SVIL: variants seen among roughly 807,000 people sequenced by gnomAD.
SVIL encodes the protein supervillin, also known as archvillin.
A neutral mutation model predicts 240.4 loss-of-function variants in SVIL; 101 were observed. The observed-to-expected ratio is 0.42, with a 90% CI of 0.36 to 0.50. The LOEUF (loss-of-function observed/expected upper bound fraction) is 0.50. SVIL is among the 20% of genes least tolerant of loss of function. The pLI is 0.01. For synonymous variants in SVIL, 999 were observed against 1,100.0 expected (o/e 0.91, Z 1.82); for missense variants, 2,512 against 2,818.7 (o/e 0.89, Z 2.46).
intron 6 of SVIL, among the ~76,000 whole-genome samples, chr10:29,545,368 C>A (rs923590973): frequency 3.3e-5 from 5 of 152,104 alleles, no homozygotes; most frequent in Non-Finnish European, 7.3e-5. Context: ...GAGCCCTGCC[C>A]AAACCATCAT....
chr10:29,512,162 C>T (rs565269643), intron 17 of SVIL, among the ~76,000 whole-genome samples: 16 of 152,340 alleles, frequency 1.1e-4, no homozygotes, highest in Admixed American at 5.2e-4. Flanking sequence ...TCAATACTTT[C>T]GCATATGAAA....
At chr10:29,624,795 TCTC>T (rs1957803022) in intron 1 of SVIL, among the ~76,000 whole-genome samples, 1 of 152,216 alleles carries the variant, frequency 6.6e-6, no homozygotes, top group Non-Finnish European at 1.5e-5. Context: ...GGTAATTTGT[TCTC>T]CACATATCTT....
chr10:29,469,312 C>T (rs1310178068), intron 32 of SVIL, among the ~76,000 whole-genome samples: 1 of 152,188 alleles, frequency 6.6e-6, no homozygotes, highest in African/African-American at 2.4e-5. Flanking sequence ...AGGTCACCTG[C>T]CCCGTTCTCC....
chr10:29,673,194 G>A (rs938772333), intron 2 of SVIL, among the ~76,000 whole-genome samples: 2 of 152,130 alleles, frequency 1.3e-5, no homozygotes, highest in African/African-American at 2.4e-5. Context: ...GATTACAGGC[G>A]TGAGCTACTG....
At chr10:29,725,205 C>T (rs543924300) in intron 1 of SVIL, among the ~76,000 whole-genome samples, 40 of 152,050 alleles carry the variant, frequency 2.6e-4, no homozygotes, top group Non-Finnish European at 5.0e-4. Context: ...GCATGCTTAT[C>T]AAAGTTTCTC....
chr10:29,561,056 C>G (rs991493530), intron 3 of SVIL, among the ~76,000 whole-genome samples: 2 of 150,962 alleles, frequency 1.3e-5, no homozygotes, highest in South Asian at 2.1e-4. Context: ...CTCCTGACCT[C>G]GTAATCCACC....
chr10:29,674,691 A>AT (rs1960064263), intron 2 of SVIL, among the ~76,000 whole-genome samples: 1 of 152,204 alleles, frequency 6.6e-6, no homozygotes, highest in East Asian at 1.9e-4. Context: ...ACAAATTCTT[A>AT]TTTATAGTTT....
At chr10:29,726,066 T>G (rs769366158) in intron 1 of SVIL, among the ~76,000 whole-genome samples, 1 of 152,134 alleles carries the variant, frequency 6.6e-6, no homozygotes, top group Non-Finnish European at 1.5e-5. Context: ...GGACTACAGG[T>G]GTGTGCCACC....
intron 1 of SVIL, among the ~76,000 whole-genome samples, chr10:29,688,173 T>C (rs1399952308): frequency 2.6e-5 from 4 of 152,248 alleles, no homozygotes; most frequent in African/African-American, 9.6e-5. Flanking sequence ...TGAATATAAA[T>C]GAAAAGTGCA....
intron 2 of SVIL, among the ~76,000 whole-genome samples, chr10:29,685,545 A>G (rs117157710): frequency 0.041 from 6,314 of 152,306 alleles, 183 homozygotes; most frequent in South Asian, 0.11. Flanking sequence ...AACAATGTAT[A>G]AGCATTTCCT....
intron 12 of SVIL, 95 bp from the exon 13 acceptor site, chr10:29,527,151 T>C: frequency 8.7e-7 from 1 of 1,146,976 alleles, no homozygotes; most frequent in South Asian, 1.4e-5. Context: ...AAACGTTAAA[T>C]CAAAAATTTT....
intron 16 of SVIL, among the ~76,000 whole-genome samples, chr10:29,515,290 C>T (rs1193700938): frequency 2.0e-5 from 3 of 152,142 alleles, no homozygotes; most frequent in African/African-American, 7.2e-5. Context: ...GACACGAAGT[C>T]GAAATTCCTT....
intron 1 of SVIL, among the ~76,000 whole-genome samples, chr10:29,579,527 T>C (rs1955848914): frequency 6.6e-6 from 1 of 152,078 alleles, no homozygotes; most frequent in South Asian, 2.1e-4. Context: ...AATGTCTCAG[T>C]ATGAGTCCAG....
intron 30 of SVIL, among the ~76,000 whole-genome samples, 173 bp from the exon 31 acceptor site, chr10:29,471,416 TCTCAGGGTGTTA>T (rs1227556653): frequency 1.3e-5 from 2 of 151,814 alleles, no homozygotes; most frequent in Non-Finnish European, 2.9e-5. Flanking sequence ...TGCAGCCTCC[TCTCAGGGTGTTA>T]CTCAGGGAGG....
In SVIL at chr10:29,556,792, C is replaced by T. The variant is rs76539765; in HGVS notation, c.-50-1684G>A. ...ACAGCTTCCCTGTCAACAAATTAGC[C>T]CTAGTGGGATTATGGTGATACAACT... On this transcript the variant is annotated intron_variant, in intron 3 of 37. Coordinates refer to ENST00000355867, the MANE Select transcript of SVIL (RefSeq NM_021738.3). Among the ~76,000 whole-genome samples, 1,207 of 152,214 alleles carry T rather than the reference C, an allele frequency of 7.9e-3. 21 individuals carry two copies. Among genetic ancestry groups the T allele is most frequent in the African/African-American group, 0.028 (1,142 of 41,512 alleles).
chr10:29,560,855 T>C (rs1175158766), intron 3 of SVIL, among the ~76,000 whole-genome samples: 2 of 144,802 alleles, frequency 1.4e-5, no homozygotes, highest in African/African-American at 5.1e-5. Flanking sequence ...TTTTTTTTTT[T>C]TTAGACAGAG....
intron 1 of SVIL, among the ~76,000 whole-genome samples, chr10:29,604,585 G>A (rs1014889899): frequency 6.6e-6 from 1 of 151,400 alleles, no homozygotes; most frequent in African/African-American, 2.4e-5. Context: ...TTGATGGATT[G>A]ATAGGGTCCT....
At chr10:29,674,117 G>A (rs1001910235) in intron 2 of SVIL, among the ~76,000 whole-genome samples, 12 of 152,036 alleles carry the variant, frequency 7.9e-5, no homozygotes, top group African/African-American at 2.9e-4. Context: ...GTTCACTTGA[G>A]CCCAGGAGTT....
chr10:29,597,069 G>A (rs538439799), intron 1 of SVIL, among the ~76,000 whole-genome samples: 59 of 152,272 alleles, frequency 3.9e-4, no homozygotes, highest in Non-Finnish European at 5.4e-4. Flanking sequence ...ACGGTAATTC[G>A]GCAGCCAGGG....
Sources: allele counts gnomAD v4.1 joint callset (sites outside exome capture counted in the v4.1 genomes callset), GRCh38; gene constraint gnomAD v4.1.1; transcripts MANE v1.5; gene names NCBI Gene and HGNC (gene_info 2026-07-23, HGNC 2026-07-21).